Variants in IFNA6 observed in about 807,000 individuals in gnomAD.
IFNA6 encodes the protein interferon alpha 6, also known as interferon alpha-6.
For missense variants in IFNA6, 235 were observed against 212.4 expected, an observed-to-expected ratio of 1.11 and a Z score of -0.66; for synonymous variants, 96 against 79.2, an observed-to-expected ratio of 1.21 and a Z score of -1.13.
exon 1 of IFNA6, chr9:21,350,762 T>A (rs1480593562): frequency 6.2e-7 from 1 of 1,614,032 alleles, no homozygotes; most frequent in Non-Finnish European, 8.5e-7. Context: ...TCCTCATTTG[T>A]GCCAGGAGCA....
chr9:21,350,582 C>T lies in IFNA6; in HGVS notation c.306G>A (p.Glu102=), dbSNP rs757387079. 3.7e-6 allele frequency: 6 copies of T among 1,613,840 alleles called. 1 individual carries two copies. The South Asian group carries it at 4.4e-5, about 12-fold the overall frequency. Reference sequence around the variant, plus strand: ...CAGTATAGAGTTTGTCTAGAAGCCTCTCATCCCAAGCAACAGATGAGTCCT... The same window carrying T: ...CAGTATAGAGTTTGTCTAGAAGCCTTTCATCCCAAGCAACAGATGAGTCCT... The change falls in exon 1 of 1, where the codon GAG becomes GAA. Residue 102 remains glutamate, a synonymous_variant. Coordinates refer to ENST00000380210, the Ensembl canonical transcript of IFNA6.
chr9:21,350,685 C>A (rs753990267), exon 1 of IFNA6: 1 of 1,613,906 alleles, frequency 6.2e-7, no homozygotes, highest in African/African-American at 1.3e-5. Flanking sequence ...GAACTGGTTG[C>A]CATCAAACTC....
At chr9:21,350,534 G>A (rs772951080) in exon 1 of IFNA6, 2 of 1,613,982 alleles carry the variant, frequency 1.2e-6, no homozygotes, top group Admixed American at 1.7e-5. Flanking sequence ...AGGCTTCCAG[G>A]TCATTCAGCT....
Sources: gnomAD v4.1 joint callset for allele counts on GRCh38, gnomAD v4.1.1 for gene constraint, MANE v1.5 for transcripts, NCBI Gene and HGNC (gene_info 2026-07-23, HGNC 2026-07-21) for gene names.